The following VPS50 variants were observed in gnomAD, a reference collection of about 807,000 sequenced individuals.
VPS50 encodes syndetin.
A neutral mutation model predicts 139.7 loss-of-function variants in VPS50; 70 were observed. That is an observed-to-expected ratio of 0.50 (90% CI 0.41 to 0.61). The LOEUF (loss-of-function observed/expected upper bound fraction) is 0.61. Ranked by LOEUF, VPS50 falls within the 20% of genes least tolerant of loss-of-function variation. The pLI is 0.00. For synonymous variants in VPS50, 365 were observed against 376.7 expected (o/e 0.97, Z 0.36); for missense variants, 921 against 1,133.7 (o/e 0.81, Z 2.69).
At chr7:93,277,047 A>C (rs1043696325) in intron 12 of VPS50, among the ~76,000 whole-genome samples, 1 of 152,214 alleles carries the variant, frequency 6.6e-6, no homozygotes, top group Non-Finnish European at 1.5e-5. Flanking sequence ...TTGTATTTAA[A>C]GCCCTGATAC....
intron 12 of VPS50, among the ~76,000 whole-genome samples, chr7:93,280,932 T>G (rs1796309050): frequency 6.6e-6 from 1 of 152,138 alleles, no homozygotes; most frequent in South Asian, 2.1e-4. Flanking sequence ...TACACACTCA[T>G]ATATTATTTG....
intron 2 of VPS50, among the ~76,000 whole-genome samples, chr7:93,245,665 C>A (rs1031147858): frequency 6.6e-6 from 1 of 151,780 alleles, no homozygotes; most frequent in African/African-American, 2.4e-5. Flanking sequence ...TTCTATAAAT[C>A]ATTTTGCCCA....
intron 25 of VPS50, among the ~76,000 whole-genome samples, chr7:93,351,310 T>C (rs1207154373): frequency 6.6e-6 from 1 of 152,170 alleles, no homozygotes; most frequent in East Asian, 1.9e-4. Flanking sequence ...CAATTGCAAA[T>C]TTTCATTTGG....
At chr7:93,242,813 G>A (rs1207396918) in intron 2 of VPS50, among the ~76,000 whole-genome samples, 1 of 151,884 alleles carries the variant, frequency 6.6e-6, no homozygotes, top group Non-Finnish European at 1.5e-5. Context: ...TTTGGGTTCT[G>A]TTACATGAAA....
intron 19 of VPS50, among the ~76,000 whole-genome samples, chr7:93,309,806 A>G (rs1474304876): frequency 6.6e-6 from 1 of 151,974 alleles, no homozygotes; most frequent in African/African-American, 2.4e-5. Flanking sequence ...TTTCATGACT[A>G]TCATACATTT....
At chr7:93,323,829 CATT>C (rs1311588700) in intron 21 of VPS50, 97 bp downstream of exon 21, 1 of 576,674 alleles carries the variant, frequency 1.7e-6, no homozygotes, top group Non-Finnish European at 2.7e-6. Context: ...ACACAAATAA[CATT>C]ATTTTGGGGA....
chr7:93,233,422 T>C (rs968766177), intron 1 of VPS50, among the ~76,000 whole-genome samples: 1 of 152,244 alleles, frequency 6.6e-6, no homozygotes, highest in African/African-American at 2.4e-5. Context: ...GTGAAAGGTA[T>C]ATTTGTGAGT....
At position 93,305,938 on chromosome 7, in the gene VPS50, G is replaced by C. The variant is rs758543571; in HGVS notation, c.1563G>C (p.Gly521=). ...VTLFEQYCSG[G]NPFEIQANHK... ...TGTTTGAGCAGTACTGTAGTGGTGG[G>C]AATCCATTTGAAATTCAGGCCAACC... Residue 521 remains glycine, a synonymous_variant, in exon 18 of 28, where the codon GGG becomes GGC. Transcript: ENST00000305866. The C allele has an allele frequency of 5.0e-6, 8 of 1,612,266 alleles. No homozygotes were observed. The highest frequency in any genetic ancestry group is 5.9e-6 in the Non-Finnish European group (7 of 1,178,650).
chr7:93,262,209 TGAG>T (rs1795707300), intron 9 of VPS50, among the ~76,000 whole-genome samples: 1 of 152,158 alleles, frequency 6.6e-6, no homozygotes, highest in South Asian at 2.1e-4. Flanking sequence ...GGCAGGAAAT[TGAG>T]GGAGCAGGTG....
chr7:93,347,931 G>C (rs1798448743), intron 23 of VPS50, among the ~76,000 whole-genome samples: 1 of 151,104 alleles, frequency 6.6e-6, no homozygotes, highest in African/African-American at 2.4e-5. Context: ...ACCTATGTAA[G>C]TAACCTGCAC....
In VPS50 at chr7:93,358,688, G is replaced by A. The variant is rs1222206816; in HGVS notation, c.*252G>A. On this transcript the variant is annotated 3_prime_UTR_variant, in exon 28 of 28. Coordinates refer to ENST00000305866, the MANE Select transcript of VPS50 (RefSeq NM_017667.4). ...GCCGCCTTGTCATAACAATGGTTATGTGACTACAGTTATACATTTTACAGA... is the reference window on the plus strand; with the variant it reads ...GCCGCCTTGTCATAACAATGGTTATATGACTACAGTTATACATTTTACAGA... 7 of 332,274 alleles carry A rather than the reference G, an allele frequency of 2.1e-5. No individual in the cohort carries two copies. The highest frequency in any genetic ancestry group is 4.0e-5 in the Non-Finnish European group (7 of 176,386). The allele number at this position is 332,274 out of a possible 1,614,324, so 20.6% of individuals were successfully genotyped here. A position where few individuals can be genotyped will look rare whatever the true frequency, so the allele number is the denominator to read the frequency against.
Position 93,232,430 on chromosome 7 carries a change from A to C in VPS50, c.-38A>C. ...GTGTAGTGGCTCGGTGTGATTTGTT[A>C]GCTCTTTGAGGCAGGGTACCCTCCT... On this transcript the variant is annotated 5_prime_UTR_variant, in exon 1 of 28. Transcript: ENST00000305866. 1.9e-6 allele frequency: 3 copies of C among 1,583,858 alleles called. No homozygotes were observed. The highest frequency in any genetic ancestry group is 2.6e-6 in the Non-Finnish European group (3 of 1,155,680).
At chr7:93,269,105 A>G (rs1406620619) in intron 9 of VPS50, among the ~76,000 whole-genome samples, 1 of 151,884 alleles carries the variant, frequency 6.6e-6, no homozygotes, top group Non-Finnish European at 1.5e-5. Context: ...GAAGATACTG[A>G]TTTGTTTTGT....
At chr7:93,292,671 A>G (rs1195829937) in intron 13 of VPS50, among the ~76,000 whole-genome samples, 1 of 152,086 alleles carries the variant, frequency 6.6e-6, no homozygotes, top group Non-Finnish European at 1.5e-5. Context: ...TTGTTGGGTG[A>G]GTGGACAACA....
intron 20 of VPS50, among the ~76,000 whole-genome samples, chr7:93,322,896 G>GTGTT (rs1003514100): frequency 5.9e-5 from 9 of 152,084 alleles, no homozygotes; most frequent in Non-Finnish European, 8.8e-5. Context: ...TTAATTCATT[G>GTGTT]TGTTTTTTGT....
intron 12 of VPS50, among the ~76,000 whole-genome samples, chr7:93,283,099 C>A (rs893735614): frequency 6.6e-6 from 1 of 152,002 alleles, no homozygotes; most frequent in East Asian, 1.9e-4. Flanking sequence ...ATTCTACTTG[C>A]AAATTAATAA....
intron 8 of VPS50, 92 bp downstream of exon 8, chr7:93,258,484 GTTTATGATATAAAGAATATT>G (rs1795560780): frequency 1.1e-6 from 1 of 916,722 alleles, no homozygotes; most frequent in Admixed American, 2.1e-5. Context: ...TCTCAAATGG[GTTTATGATATAAAGAATATT>G]TTTAGACATG....
chr7:93,255,653 G>A (rs1157993922), intron 4 of VPS50, among the ~76,000 whole-genome samples: 1 of 152,116 alleles, frequency 6.6e-6, no homozygotes, highest in African/African-American at 2.4e-5. Context: ...AACCTTAATG[G>A]AATCCCTCTT....
intron 9 of VPS50, among the ~76,000 whole-genome samples, chr7:93,270,116 A>G (rs534136008): frequency 1.3e-5 from 2 of 151,454 alleles, no homozygotes; most frequent in Non-Finnish European, 3.0e-5. Flanking sequence ...TGTTAGTTCT[A>G]TTGATTTTTT....
Sources: gnomAD v4.1 joint callset for allele counts (sites outside exome capture counted in the v4.1 genomes callset) on GRCh38, gnomAD v4.1.1 for gene constraint, MANE v1.5 for transcripts, NCBI Gene and HGNC (gene_info 2026-07-23, HGNC 2026-07-21) for gene names.